CENPH: variants seen among roughly 807,000 people sequenced by gnomAD.
CENPH encodes the protein CENP-H.
In CENPH, 40 loss-of-function variants were observed where a neutral mutation model predicts 42.9. The observed-to-expected ratio is 0.93, with a 90% confidence interval of 0.72 to 1.21. The LOEUF is 1.21. Among genes scored for constraint, CENPH ranks in the 50% most tolerant of loss-of-function variants. The probability of loss-of-function intolerance (pLI) is 0.00; values close to 1 mark genes in which losing one functional copy is unlikely to be tolerated. For missense variants in CENPH, 302 were observed against 292.9 expected (o/e 1.03, Z -0.23); for synonymous variants, 88 against 96.5 (o/e 0.91, Z 0.52).
intron 7 of CENPH, among the ~76,000 whole-genome samples, chr5:69,205,732 G>A (rs1193044430): frequency 1.2e-4 from 12 of 103,968 alleles, no homozygotes; most frequent in African/African-American, 3.9e-4. Flanking sequence ...TTTTTGAGAC[G>A]GAGTCTCGCT....
chr5:69,197,768 G>A (rs953185656), intron 5 of CENPH, among the ~76,000 whole-genome samples: 2 of 150,660 alleles, frequency 1.3e-5, no homozygotes, highest in African/African-American at 4.9e-5. Context: ...AAACCTGCAC[G>A]TTGTGCACAT....
intron 5 of CENPH, among the ~76,000 whole-genome samples, chr5:69,202,148 A>C (rs1458174397): frequency 6.6e-6 from 1 of 152,196 alleles, no homozygotes; most frequent in Non-Finnish European, 1.5e-5. Context: ...ATTCAAAATA[A>C]AAACTAAAAT....
chr5:69,197,853 A>G (rs1747989802), intron 5 of CENPH, among the ~76,000 whole-genome samples: 1 of 150,092 alleles, frequency 6.7e-6, no homozygotes, highest in South Asian at 2.1e-4. Context: ...AAAAAAAAAA[A>G]GACTAGCAGG....
At position 69,205,977 on chromosome 5, in the gene CENPH, G is replaced by A. The variant is rs948648367; in HGVS notation, c.488-2219G>A. 3.9e-5 allele frequency among the ~76,000 whole-genome samples: 6 copies of A among 151,942 alleles called. No individual in the cohort carries two copies. The East Asian group carries it at 1.2e-3, about 29-fold the overall frequency. On this transcript the variant is annotated intron_variant, in intron 7 of 8. Coordinates refer to ENST00000283006, the MANE Select transcript of CENPH (RefSeq NM_022909.4). Reference sequence around the variant, plus strand: ...GCCCTCCTCGACCACCCAAAGTGCTGGGATTACAGGCATGAGCCACCATGC... The same window carrying A: ...GCCCTCCTCGACCACCCAAAGTGCTAGGATTACAGGCATGAGCCACCATGC...
chr5:69,194,519 T>C (rs1463972375), intron 2 of CENPH, 128 bp from the exon 3 acceptor site: 2 of 547,378 alleles, frequency 3.7e-6, no homozygotes, highest in African/African-American at 3.9e-5. Context: ...TAAATTTCAC[T>C]GTTTCTTTTC....
chr5:69,201,128 G>A (rs565923243), intron 5 of CENPH, among the ~76,000 whole-genome samples: 22 of 151,840 alleles, frequency 1.4e-4, no homozygotes, highest in African/African-American at 4.6e-4. Context: ...ACCAGGCCCC[G>A]AATCAGCATA....
chr5:69,195,888 A>AGTCAAGG (rs1747955154), intron 4 of CENPH, 97 bp downstream of exon 4: 1 of 556,048 alleles, frequency 1.8e-6, no homozygotes, highest in East Asian at 3.2e-5. Context: ...TGAGTGAATT[A>AGTCAAGG]GTCAAGCACA....
chr5:69,189,835 C>A, intron 1 of CENPH, 67 bp downstream of exon 1: 1 of 1,406,798 alleles, frequency 7.1e-7, no homozygotes, highest in South Asian at 1.5e-5. Context: ...CGCCCTTGCT[C>A]AGAAGGGCTA....
chr5:69,209,139 A>G (rs1748207706), intron 8 of CENPH, among the ~76,000 whole-genome samples: 1 of 152,220 alleles, frequency 6.6e-6, no homozygotes, highest in African/African-American at 2.4e-5. Context: ...ATGGAAACTG[A>G]CGAGGCATAA....
In CENPH at chr5:69,208,260, T is replaced by C; in HGVS notation, c.552T>C (p.Ile184=). The C allele has an allele frequency of 1.3e-6, 2 of 1,595,234 alleles. No individual in the cohort carries two copies. The highest frequency in any genetic ancestry group is 1.7e-6 in the Non-Finnish European group (2 of 1,163,704). The change falls in exon 8 of 9, where the codon ATT becomes ATC. Residue 184 remains isoleucine, a synonymous_variant. Coordinates refer to ENST00000283006, the MANE Select transcript of CENPH (RefSeq NM_022909.4). ...EIQTEKNKQK[I]DLDSMENSER... ...AGACTGAAAAGAACAAACAGAAGAT[T>C]GATTTGGACAGTATGGAAAACTCAG...
chr5:69,202,983 CTT>C lies in CENPH; in HGVS notation c.487+21_487+22del. On this transcript the variant is annotated intron_variant, in intron 7 of 8. Transcript: ENST00000283006. ...AAGAAGAGATTGCGTATGTAGAACA[CTT>C]TTTTTTTGGCAGAACACATTTTGCT... is the stretch of plus-strand genomic sequence containing the variant. 7 of 1,537,654 alleles carry C rather than the reference CTT, an allele frequency of 4.6e-6. No individual in the cohort carries two copies. The highest frequency in any genetic ancestry group is 2.4e-5 in the South Asian group (2 of 84,650).
chr5:69,204,703 T>C (rs1748121361), intron 7 of CENPH, among the ~76,000 whole-genome samples: 2 of 143,440 alleles, frequency 1.4e-5, no homozygotes, highest in Middle Eastern at 3.6e-3. Context: ...CTTCCCGGGT[T>C]GAAGAAATTC....
intron 1 of CENPH, among the ~76,000 whole-genome samples, chr5:69,191,355 A>G (rs1052862277): frequency 2.6e-5 from 4 of 152,190 alleles, no homozygotes; most frequent in Non-Finnish European, 5.9e-5. Context: ...TACTAAAAAT[A>G]CAAAAAATTA....
At chr5:69,208,423 G>C (rs2972360) in intron 8 of CENPH, 64 bp downstream of exon 8, 3 of 1,057,852 alleles carry the variant, frequency 2.8e-6, no homozygotes, top group Non-Finnish European at 4.2e-6. Context: ...GAAGTGGCTC[G>C]ATCTCAGCTC....
intron 8 of CENPH, 127 bp from the exon 9 acceptor site, chr5:69,209,580 T>TA: frequency 3.6e-6 from 2 of 553,460 alleles, no homozygotes; most frequent in Non-Finnish European, 3.2e-6. Flanking sequence ...ATTTTTTTCT[T>TA]ATGATCACAG....
At chr5:69,190,955 T>C (rs146101937) in intron 1 of CENPH, among the ~76,000 whole-genome samples, 2 of 152,292 alleles carry the variant, frequency 1.3e-5, no homozygotes, top group East Asian at 3.9e-4. Flanking sequence ...AAAAGATGTC[T>C]ATTTCTTTTT....
chr5:69,202,875 TTACA>T (rs1235991638), intron 6 of CENPH, 40 bp from the exon 7 acceptor site: 3 of 1,213,342 alleles, frequency 2.5e-6, no homozygotes, highest in African/African-American at 1.5e-5. Context: ...AGGTTTGTCC[TTACA>T]TACAGTAATG....
intron 5 of CENPH, among the ~76,000 whole-genome samples, chr5:69,201,095 G>T (rs1402158753): frequency 2.0e-5 from 3 of 151,740 alleles, no homozygotes; most frequent in Non-Finnish European, 2.9e-5. Context: ...AAAAGTGCTG[G>T]GATTACAGGC....
intron 8 of CENPH, among the ~76,000 whole-genome samples, 180 bp from the exon 9 acceptor site, chr5:69,209,527 C>T (rs1267283941): frequency 2.0e-5 from 3 of 150,250 alleles, no homozygotes; most frequent in Non-Finnish European, 4.4e-5. Context: ...TGACACAGAG[C>T]AAGACTCCGA....
Sources: allele counts gnomAD v4.1 joint callset (sites outside exome capture counted in the v4.1 genomes callset), GRCh38; gene constraint gnomAD v4.1.1; transcripts MANE v1.5; gene names NCBI Gene and HGNC (gene_info 2026-07-23, HGNC 2026-07-21).